Variants in ATP10A observed in about 807,000 individuals in gnomAD.
The protein encoded by ATP10A is phospholipid-transporting ATPase VA.
Under a neutral mutation model 147.8 loss-of-function variants are expected in ATP10A, and 111 were observed. That is an observed-to-expected ratio of 0.75 (90% CI 0.64 to 0.88). The LOEUF is 0.88. Among genes scored for constraint, ATP10A ranks in the 40% least tolerant of loss-of-function variants. The pLI is 0.00. For synonymous variants in ATP10A, 875 were observed against 841.6 expected, an observed-to-expected ratio of 1.04 and a Z score of -0.69; for missense variants, 1,927 against 1,959.0, an observed-to-expected ratio of 0.98 and a Z score of 0.31.
At chr15:25,753,496 A>C (rs1234240003) in intron 2 of ATP10A, among the ~76,000 whole-genome samples, 1 of 150,658 alleles carries the variant, frequency 6.6e-6, no homozygotes, top group African/African-American at 2.4e-5. Context: ...CTGTTGATGG[A>C]CACTTAGGTT....
intron 1 of ATP10A, among the ~76,000 whole-genome samples, chr15:25,814,993 A>G (rs2140828636): frequency 6.6e-6 from 1 of 152,276 alleles, no homozygotes; most frequent in East Asian, 1.9e-4. Context: ...GAATGTATAC[A>G]CAGGAAGGTT....
At position 25,680,632 on chromosome 15, in the gene ATP10A, C is replaced by G. The variant is rs187042354; in HGVS notation, c.3678+178G>C. On this transcript the variant is annotated intron_variant, in intron 19 of 20. Transcript: ENST00000555815. The stretch of plus-strand genomic sequence containing the variant: ...GGGAAGTGCGAGCATCAGGCTGCAG[C>G]GGCTCCCCACACCACAGGGCTCGGG... 7.2e-5 allele frequency among the ~76,000 whole-genome samples: 11 copies of G among 152,220 alleles called. No homozygotes were observed. In the East Asian group the frequency reaches 9.7e-4, roughly 13 times the overall value.
intron 1 of ATP10A, among the ~76,000 whole-genome samples, chr15:25,860,132 A>G (rs1296033034): frequency 2.6e-5 from 4 of 152,146 alleles, no homozygotes; most frequent in African/African-American, 9.7e-5. Context: ...CCAGGTCCTG[A>G]GAGCCAGGGC....
intron 1 of ATP10A, among the ~76,000 whole-genome samples, chr15:25,801,868 C>T (rs935256): frequency 0.87 from 132,946 of 151,950 alleles, 59,168 homozygotes; most frequent in Non-Finnish European, 0.96. Context: ...GTTGCTGACT[C>T]GTTACATGGA....
chr15:25,780,396 C>A (rs1331968717), intron 2 of ATP10A, among the ~76,000 whole-genome samples: 3 of 152,246 alleles, frequency 2.0e-5, no homozygotes, highest in Non-Finnish European at 4.4e-5. Flanking sequence ...CTGCCCCTGT[C>A]AGTTCACCTG....
intron 2 of ATP10A, among the ~76,000 whole-genome samples, chr15:25,777,192 G>A (rs2140688682): frequency 6.7e-6 from 1 of 148,630 alleles, no homozygotes; most frequent in South Asian, 2.1e-4. Flanking sequence ...CCATCTCTCA[G>A]TCCGGGGTAC....
At chr15:25,861,093 G>A (rs1422815398) in intron 1 of ATP10A, among the ~76,000 whole-genome samples, 1 of 152,132 alleles carries the variant, frequency 6.6e-6, no homozygotes, top group African/African-American at 2.4e-5. Context: ...CCCACAGCCC[G>A]GTCTAATGAC....
chr15:25,735,356 C>A (rs1253867787), intron 3 of ATP10A, among the ~76,000 whole-genome samples: 1 of 152,120 alleles, frequency 6.6e-6, no homozygotes, highest in Non-Finnish European at 1.5e-5. Flanking sequence ...CACACACACA[C>A]ACTCCGATTA....
At chr15:25,798,400 A>T (rs1452558542) in intron 1 of ATP10A, among the ~76,000 whole-genome samples, 1 of 152,164 alleles carries the variant, frequency 6.6e-6, no homozygotes, top group Non-Finnish European at 1.5e-5. Context: ...GGCAGTCTGA[A>T]GTCCCATAGC....
downstream of ATP10A, among the ~76,000 whole-genome samples, chr15:25,676,971 T>C (rs1899150099): frequency 6.6e-6 from 1 of 152,170 alleles, no homozygotes; most frequent in Non-Finnish European, 1.5e-5. Flanking sequence ...CTTTGATTCT[T>C]CAAACATTTT....
At chr15:25,726,867 C>T (rs1233944533) in intron 4 of ATP10A, among the ~76,000 whole-genome samples, 7 of 147,124 alleles carry the variant, frequency 4.8e-5, no homozygotes, top group Non-Finnish European at 1.5e-5. Flanking sequence ...CTGGCTAATA[C>T]GGTGAAATCC....
In ATP10A at chr15:25,694,969, C is replaced by A. The variant is rs757032534; in HGVS notation, c.2938G>T (p.Ala980Ser). ...PSLVIDGRSL[A>S]YALEKNLEDK... ...TCCAGGTTTTTCTCGAGAGCGTAGG[C>A]CAGGCTTCTCCCATCGATCACGAGG... is the stretch of plus-strand genomic sequence containing the variant. The change falls in exon 14 of 21, where the codon GCC becomes TCC. Residue 980 changes from alanine to serine, a missense_variant. Ala to Ser is a moderately conservative substitution (Grantham distance 99). Coordinates refer to ENST00000555815, the MANE Select transcript of ATP10A (RefSeq NM_024490.4). 1 of 1,614,186 alleles carries A rather than the reference C, an allele frequency of 6.2e-7. No individual in the cohort carries two copies. Among genetic ancestry groups the A allele is most frequent in the Non-Finnish European group, 8.5e-7 (1 of 1,180,048 alleles).
At chr15:25,832,568 T>A (rs987679517) in intron 1 of ATP10A, among the ~76,000 whole-genome samples, 3 of 152,136 alleles carry the variant, frequency 2.0e-5, no homozygotes, top group African/African-American at 7.2e-5. Context: ...TCGTTTCCTT[T>A]TTTTTTTTTC....
chr15:25,723,121 G>A (rs1056978575), intron 6 of ATP10A, among the ~76,000 whole-genome samples: 1 of 152,108 alleles, frequency 6.6e-6, no homozygotes, highest in African/African-American at 2.4e-5. Context: ...GACCGAGGTG[G>A]GTGGATCACT....
chr15:25,793,394 C>T lies in ATP10A; in HGVS notation c.450-12171G>A, dbSNP rs77484249. 6.6e-5 allele frequency among the ~76,000 whole-genome samples: 10 copies of T among 152,338 alleles called. No homozygotes were observed. The East Asian group carries it at 1.9e-3, about 29-fold the overall frequency. On this transcript the variant is annotated intron_variant, in intron 1 of 20. Transcript: ENST00000555815. ...TTTAAAAAGATATCGCCACTTTCTT[C>T]ATAAAGCTCCTAAGCCTCTTGTTAA...
chr15:25,864,544 C>T (rs943145709), upstream of ATP10A, among the ~76,000 whole-genome samples: 1 of 152,200 alleles, frequency 6.6e-6, no homozygotes, highest in African/African-American at 2.4e-5. Context: ...ATTCTTACAT[C>T]TCTGCCCAGT....
intron 1 of ATP10A, among the ~76,000 whole-genome samples, chr15:25,795,028 G>T (rs1432789351): frequency 6.6e-6 from 1 of 152,216 alleles, no homozygotes; most frequent in Non-Finnish European, 1.5e-5. Flanking sequence ...GTATTTGGGA[G>T]ATAGGAAGTG....
At chr15:25,829,376 G>A (rs1892256623) in intron 1 of ATP10A, among the ~76,000 whole-genome samples, 1 of 152,264 alleles carries the variant, frequency 6.6e-6, no homozygotes, top group African/African-American at 2.4e-5. Context: ...TTTTAAGGAT[G>A]AATTAAAATG....
At chr15:25,700,079 C>A (rs1349841646) in intron 13 of ATP10A, among the ~76,000 whole-genome samples, 1 of 152,104 alleles carries the variant, frequency 6.6e-6, no homozygotes, top group African/African-American at 2.4e-5. Context: ...TGGAAAAATA[C>A]TTGACAATTC....
Sources: gnomAD v4.1 joint callset for allele counts (sites outside exome capture counted in the v4.1 genomes callset) on GRCh38, gnomAD v4.1.1 for gene constraint, MANE v1.5 for transcripts, NCBI Gene and HGNC (gene_info 2026-07-23, HGNC 2026-07-21) for gene names.